The following TRIM66 variants were observed in gnomAD, a reference collection of about 807,000 sequenced individuals.
TRIM66 encodes tripartite motif containing 66.
Under a neutral mutation model 148.2 loss-of-function variants are expected in TRIM66, and 99 were observed. The ratio of observed to expected loss-of-function variants is 0.67; its 90% CI spans 0.57 to 0.79. The LOEUF (loss-of-function observed/expected upper bound fraction) is 0.79, where lower values mean the gene tolerates loss of function less well. TRIM66 is among the 30% of genes least tolerant of loss of function. The probability of loss-of-function intolerance (pLI) is 0.00; values close to 1 mark genes in which losing one functional copy is unlikely to be tolerated. For missense variants in TRIM66, 1,666 were observed against 1,697.9 expected, an observed-to-expected ratio of 0.98 and a Z score of 0.33; for synonymous variants, 616 against 635.9, an observed-to-expected ratio of 0.97 and a Z score of 0.47.
At chr11:8,635,601 C>T (rs2035807816) in intron 15 of TRIM66, among the ~76,000 whole-genome samples, 1 of 152,130 alleles carries the variant, frequency 6.6e-6, no homozygotes. Context: ...CTTGAGGGTC[C>T]TTTTTCTGGG....
At position 8,617,677 on chromosome 11, in the gene TRIM66, T is replaced by G; in HGVS notation, c.*267A>C. The G allele has an allele frequency of 2.3e-6, 1 of 441,082 alleles. No homozygotes were observed. The highest frequency in any genetic ancestry group is 4.0e-6 in the Non-Finnish European group (1 of 250,026). The allele number at this position is 441,082 out of a possible 1,614,324, so 27.3% of individuals were successfully genotyped here. ...TTTTCCCGAGCCTAACCAGGTGTGG[T>G]CTTGTCAAGTGGAGCCTATACATCT... On this transcript the variant is annotated 3_prime_UTR_variant, in exon 25 of 25. Transcript: ENST00000646038.
rs2036249060 is a variant in TRIM66, at chr11:8,640,262, G to A, written c.2113C>T (p.Pro705Ser). 2 of 1,551,704 alleles carry A rather than the reference G, an allele frequency of 1.3e-6. No homozygotes were observed. The highest frequency in any genetic ancestry group is 2.4e-5 in the South Asian group (2 of 84,054). The change falls in exon 14 of 25, where the codon CCT (proline) becomes TCT (serine). Residue 705 changes from proline to serine, a missense_variant. By Grantham distance (74) the Pro-to-Ser change is moderately conservative. Coordinates refer to ENST00000646038, the MANE Select transcript of TRIM66 (RefSeq NM_001388022.1). ...TCCTCCTGGCTCTGGGACTGGACAGGTGCTGGCTGCCTCACGATGTAGTTG... is the reference window on the plus strand; with the variant it reads ...TCCTCCTGGCTCTGGGACTGGACAGATGCTGGCTGCCTCACGATGTAGTTG... Reference protein sequence around the residue: ...QINYIVRQPAPVQSQSQEETL... With the variant: ...QINYIVRQPASVQSQSQEETL...
In TRIM66 at chr11:8,672,270, G is replaced by A; in HGVS notation, c.5C>T (p.Ala2Val). The change falls in exon 5 of 25, where the codon GCT becomes GTT. Residue 2 changes from alanine to valine, a missense_variant. By Grantham distance (64) the Ala-to-Val change is moderately conservative. Coordinates refer to ENST00000646038, the MANE Select transcript of TRIM66 (RefSeq NM_001388022.1). M[A>V]RLSFWSQGVE... is the part of the protein sequence containing the mutation. ...CACCTGGGACCAAAAAGAGAGTCTA[G>A]CCATCTCTGCCGTGGAAAACAAAGC... 1 of 1,536,138 alleles carries A rather than the reference G, an allele frequency of 6.5e-7. No individual in the cohort carries two copies. The highest frequency in any genetic ancestry group is 8.7e-7 in the Non-Finnish European group (1 of 1,146,910).
In TRIM66 at chr11:8,648,499, T is replaced by C; in HGVS notation, c.642A>G (p.Thr214=). ...GDFTLYCPLH[T]QEVLKLFCET... is the part of the protein sequence containing the mutation. ...CACAGAATAGCTTGAGTACTTCCTGTGTGTGTAGAGGACAATACAAGGTGA... is the reference window on the plus strand; with the variant it reads ...CACAGAATAGCTTGAGTACTTCCTGCGTGTGTAGAGGACAATACAAGGTGA... Residue 214 remains threonine (T), a synonymous_variant, in exon 9 of 25, where the codon ACA becomes ACG. Coordinates refer to ENST00000646038, the MANE Select transcript of TRIM66 (RefSeq NM_001388022.1). 1 of 1,551,728 alleles carries C rather than the reference T, an allele frequency of 6.4e-7. No individual in the cohort carries two copies. Among genetic ancestry groups the C allele is most frequent in the Non-Finnish European group, 8.7e-7 (1 of 1,147,000 alleles).
Position 8,640,848 on chromosome 11 carries a change from A to G in TRIM66, c.1527T>C (p.Ser509=). Residue 509 remains serine, a synonymous_variant, in exon 14 of 25, where the codon TCT becomes TCC. Coordinates refer to ENST00000646038, the MANE Select transcript of TRIM66 (RefSeq NM_001388022.1). ...GCTCTTTCTCCCTGGGCAGCAGGGCAGAGCACTGCAGAGACCCCAGCTGCT... is the reference window on the plus strand; with the variant it reads ...GCTCTTTCTCCCTGGGCAGCAGGGCGGAGCACTGCAGAGACCCCAGCTGCT... ...VPQQLGSLQC[S]ALLPREKELA... 1.3e-6 allele frequency: 2 copies of G among 1,550,410 alleles called. No individual in the cohort carries two copies.
At chr11:8,642,826 C>A (rs2133121743) in intron 13 of TRIM66, among the ~76,000 whole-genome samples, 183 bp downstream of exon 13, 1 of 140,456 alleles carries the variant, frequency 7.1e-6, no homozygotes, top group Non-Finnish European at 1.5e-5. Flanking sequence ...AATTCCTCAT[C>A]CTCTCCTCTT....
intron 13 of TRIM66, among the ~76,000 whole-genome samples, chr11:8,641,551 C>T (rs7934978): frequency 0.87 from 131,980 of 152,078 alleles, 57,482 homozygotes; most frequent in South Asian, 0.91. Context: ...GGGTAGAGAG[C>T]CATGCCTGGG....
chr11:8,630,604 A>AG (rs1173452081), intron 15 of TRIM66, among the ~76,000 whole-genome samples: 1 of 152,142 alleles, frequency 6.6e-6, no homozygotes, highest in Non-Finnish European at 1.5e-5. Flanking sequence ...AGATGGAGAG[A>AG]GACAACCCTG....
At chr11:8,670,943 A>T in intron 6 of TRIM66, among the ~76,000 whole-genome samples, 1 of 152,228 alleles carries the variant, frequency 6.6e-6, no homozygotes, top group Non-Finnish European at 1.5e-5. Flanking sequence ...AAATTATTGG[A>T]CAGGACTCAT....
At chr11:8,675,497 C>T (rs754170257) in intron 3 of TRIM66, among the ~76,000 whole-genome samples, 1 of 152,142 alleles carries the variant, frequency 6.6e-6, no homozygotes, top group South Asian at 2.1e-4. Flanking sequence ...ATTCTCCTGC[C>T]TCAGCCTCCC....
intron 11 of TRIM66, among the ~76,000 whole-genome samples, chr11:8,646,098 T>C (rs1245664914): frequency 7.9e-5 from 12 of 152,126 alleles, no homozygotes; most frequent in Non-Finnish European, 1.8e-4. Context: ...AAATATGGAA[T>C]GGGTAATAAA....
chr11:8,666,280 A>C (rs1431575392), intron 6 of TRIM66, among the ~76,000 whole-genome samples: 1 of 144,310 alleles, frequency 6.9e-6, no homozygotes, highest in African/African-American at 2.6e-5. Flanking sequence ...CAGAGGTTCC[A>C]GTGAGCCAAG....
chr11:8,651,320 C>T (rs539024387), intron 7 of TRIM66, among the ~76,000 whole-genome samples: 3 of 151,800 alleles, frequency 2.0e-5, no homozygotes, highest in East Asian at 1.9e-4. Flanking sequence ...GAAGGGCTGC[C>T]GGCCAATAAG....
intron 6 of TRIM66, among the ~76,000 whole-genome samples, chr11:8,656,398 A>G (rs2037833396): frequency 1.3e-5 from 2 of 152,332 alleles, no homozygotes; most frequent in Admixed American, 1.3e-4. Context: ...CACATATAAG[A>G]ACACTGATTC....
chr11:8,627,069 A>T (rs2034918536), intron 15 of TRIM66, among the ~76,000 whole-genome samples: 1 of 152,158 alleles, frequency 6.6e-6, no homozygotes, highest in Admixed American at 6.5e-5. Context: ...TTATGCTCTC[A>T]TATGCCTTGT....
At chr11:8,624,644 G>T in intron 16 of TRIM66, 69 bp downstream of exon 16, 1 of 1,475,636 alleles carries the variant, frequency 6.8e-7, no homozygotes, top group Non-Finnish European at 9.0e-7. Flanking sequence ...CAGAATAAGG[G>T]TCCCAGTGGC....
At chr11:8,622,973 G>A in intron 17 of TRIM66, 97 bp from the exon 18 acceptor site, 5 of 1,071,858 alleles carry the variant, frequency 4.7e-6, no homozygotes, top group Non-Finnish European at 7.0e-6. Context: ...CATACCTTTG[G>A]CCACACATCT....
Position 8,617,775 on chromosome 11 carries a change from T to C in TRIM66, c.*169A>G. The C allele has an allele frequency of 1.6e-6, 1 of 641,478 alleles. No individual in the cohort carries two copies. The highest frequency in any genetic ancestry group is 2.0e-5 in the South Asian group (1 of 49,554). The allele number at this position is 641,478 out of a possible 1,614,324, so 39.7% of individuals were successfully genotyped here. A position where few individuals can be genotyped will look rare whatever the true frequency, so the allele number is the denominator to read the frequency against. On this transcript the variant is annotated 3_prime_UTR_variant, in exon 25 of 25. Transcript: ENST00000646038. Reference sequence around the variant, plus strand: ...GAAATCTTCTCTGTAGTGGATGTACTACGGCTCCCAAATAAATGCTGTAGA... The same window carrying C: ...GAAATCTTCTCTGTAGTGGATGTACCACGGCTCCCAAATAAATGCTGTAGA...
chr11:8,656,151 T>G (rs1045840987), intron 6 of TRIM66, among the ~76,000 whole-genome samples: 1 of 152,338 alleles, frequency 6.6e-6, no homozygotes, highest in South Asian at 2.1e-4. Context: ...TTATTATTTT[T>G]AAAGAGATTC....
Sources: allele counts gnomAD v4.1 joint callset (sites outside exome capture counted in the v4.1 genomes callset), GRCh38; gene constraint gnomAD v4.1.1; transcripts MANE v1.5; gene names NCBI Gene and HGNC (gene_info 2026-07-23, HGNC 2026-07-21).